PHKA1: variants seen among roughly 807,000 people sequenced by gnomAD.
PHKA1 encodes the protein phosphorylase b kinase regulatory subunit alpha, skeletal muscle isoform.
In PHKA1, 60 loss-of-function variants were observed where a neutral mutation model predicts 110.2. The observed-to-expected ratio is 0.54, with a 90% confidence interval of 0.44 to 0.68. The LOEUF (loss-of-function observed/expected upper bound fraction) is 0.68, where lower values mean the gene tolerates loss of function less well. Ranked by LOEUF, PHKA1 falls within the 30% of genes least tolerant of loss-of-function variation. The pLI is 0.00. For missense variants in PHKA1, 801 were observed against 942.5 expected, an observed-to-expected ratio of 0.85 and a Z score of 1.97; for synonymous variants, 316 against 333.6, an observed-to-expected ratio of 0.95 and a Z score of 0.58.
rs2052942369 is a variant in PHKA1, at chrX:72,619,262, C to T, written c.2181G>A (p.Arg727=). Residue 727 remains arginine (R), a synonymous_variant, in exon 20 of 32, where the codon CGG becomes CGA. Coordinates refer to ENST00000373542, the MANE Select transcript of PHKA1 (RefSeq NM_002637.4). ...YLPTKLFQAS[R]PSFNLLDSPH... Reference sequence around the variant, plus strand: ...GTGAATCAAGTAAGTTGAATGAAGGCCGGGAAGCCTGAAATAACTTCGTAG... The same window carrying T: ...GTGAATCAAGTAAGTTGAATGAAGGTCGGGAAGCCTGAAATAACTTCGTAG... The T allele has an allele frequency of 8.3e-7, 1 of 1,197,818 alleles. No homozygotes were observed.
At chrX:72,669,850 C>T (rs782362314) in intron 6 of PHKA1, among the ~76,000 whole-genome samples, 4 of 110,129 alleles carry the variant, frequency 3.6e-5, no homozygotes, top group Non-Finnish European at 7.6e-5. Context: ...TACGGGTGCA[C>T]GTGTCTTTAT....
intron 3 of PHKA1, among the ~76,000 whole-genome samples, chrX:72,697,456 A>G (rs1250060662): frequency 3.7e-5 from 4 of 109,003 alleles, no homozygotes; most frequent in African/African-American, 1.0e-4. Flanking sequence ...GTGTGTGTAT[A>G]TGTGTGCATG....
chrX:72,609,652 G>C lies in PHKA1; in HGVS notation c.2578C>G (p.Pro860Ala). ...HQKHLTVGLP[P>A]EPREKTISAP... ...GAGATAGTCTTTTCTCGAGGTTCTG[G>C]AGGAAGTCCTACTGTCAAATGTTTC... Residue 860 changes from proline (P) to alanine (A), a missense_variant, in exon 23 of 32, where the codon CCA (proline) becomes GCA (alanine). This residue lies in a region of PHKA1 where 502 missense variants were observed against 519.2 expected (regional missense o/e 0.97). Transcript: ENST00000373542. The C allele has an allele frequency of 6.6e-6, 8 of 1,206,500 alleles. No individual in the cohort carries two copies. The highest frequency in any genetic ancestry group is 9.0e-6 in the Non-Finnish European group (8 of 890,749).
chrX:72,709,411 CT>C (rs2054334664), intron 2 of PHKA1: 1 of 107,564 alleles, frequency 9.3e-6, no homozygotes, highest in Admixed American at 1.0e-4. Flanking sequence ...TGCCTAAACC[CT>C]TGTCCTCTTT....
chrX:72,653,263 T>G (rs2053451390), intron 11 of PHKA1, among the ~76,000 whole-genome samples, 172 bp downstream of exon 11: 1 of 112,140 alleles, frequency 8.9e-6, no homozygotes, highest in South Asian at 3.8e-4. Context: ...GAGACTGCTT[T>G]AAAATTTTAT....
chrX:72,626,938 C>A, intron 17 of PHKA1, 33 bp downstream of exon 17: 2 of 1,085,645 alleles, frequency 1.8e-6, no homozygotes, highest in Non-Finnish European at 2.6e-6. Flanking sequence ...AATTTCATTT[C>A]ATTTCACTAA....
chrX:72,677,513 G>A (rs1556312366), intron 5 of PHKA1, among the ~76,000 whole-genome samples: 1 of 111,860 alleles, frequency 8.9e-6, no homozygotes, highest in Admixed American at 9.5e-5. Context: ...TGATTTTCCA[G>A]TTCTCTTCAT....
intron 12 of PHKA1, 46 bp downstream of exon 12, chrX:72,652,498 G>T: frequency 1.4e-6 from 1 of 705,885 alleles, no homozygotes; most frequent in Non-Finnish European, 2.3e-6. Context: ...TTATTATGGT[G>T]ACTTAAGGCA....
At chrX:72,675,021 T>TA (rs74372049) in intron 6 of PHKA1, among the ~76,000 whole-genome samples, 105 of 87,495 alleles carry the variant, frequency 1.2e-3, no homozygotes, top group Middle Eastern at 5.9e-3. Context: ...CTGTCTCTAC[T>TA]AAAAAAAAAA....
intron 2 of PHKA1, among the ~76,000 whole-genome samples, chrX:72,706,002 A>G (rs1408189333): frequency 8.9e-6 from 1 of 112,133 alleles, no homozygotes; most frequent in Non-Finnish European, 1.9e-5. Context: ...ACAGTCCAAA[A>G]GAAATCCAAC....
intron 5 of PHKA1, among the ~76,000 whole-genome samples, chrX:72,681,799 A>G (rs2053883317): frequency 5.9e-5 from 2 of 34,182 alleles, no homozygotes; most frequent in Non-Finnish European, 9.4e-5. Context: ...CCTACTGGGA[A>G]GTGAGGAGCC....
At chrX:72,641,117 T>C (rs919432860) in intron 14 of PHKA1, among the ~76,000 whole-genome samples, 22 of 111,418 alleles carry the variant, frequency 2.0e-4, no homozygotes, top group Admixed American at 1.9e-3. Flanking sequence ...AACCTACTTA[T>C]CTAACAAAAA....
chrX:72,688,053 T>G (rs1488229721), intron 4 of PHKA1, among the ~76,000 whole-genome samples: 1 of 110,607 alleles, frequency 9.0e-6, no homozygotes, highest in African/African-American at 3.3e-5. Flanking sequence ...GGTCTTGAAC[T>G]CCTGACCTTG....
intron 15 of PHKA1, 117 bp downstream of exon 15, chrX:72,636,160 G>A: frequency 1.9e-6 from 1 of 517,160 alleles, no homozygotes; most frequent in Admixed American, 2.7e-5. Flanking sequence ...TAAGTTATGT[G>A]CAAGGCCTGG....
At chrX:72,628,717 G>A (rs1402935238) in intron 16 of PHKA1, among the ~76,000 whole-genome samples, 4 of 107,629 alleles carry the variant, frequency 3.7e-5, no homozygotes, top group African/African-American at 1.4e-4. Flanking sequence ...AGCCTCCCAA[G>A]TAACTGGGAC....
chrX:72,703,541 C>T (rs1556330734), intron 3 of PHKA1, among the ~76,000 whole-genome samples: 1 of 110,675 alleles, frequency 9.0e-6, no homozygotes, highest in African/African-American at 3.3e-5. Context: ...ATTAGCAAGG[C>T]ATGGTGGTGC....
At chrX:72,613,614 A>G (rs72630054) in intron 21 of PHKA1, among the ~76,000 whole-genome samples, 8,425 of 112,005 alleles carry the variant, frequency 0.075, 858 homozygotes, top group East Asian at 0.67. Flanking sequence ...ATCAGTGAGC[A>G]AAAGTTTGAA....
At chrX:72,611,697 A>C (rs1189059623) in intron 21 of PHKA1, among the ~76,000 whole-genome samples, 1 of 112,176 alleles carries the variant, frequency 8.9e-6, no homozygotes, top group Non-Finnish European at 1.9e-5. Context: ...AAGGTGCTCA[A>C]CCTCACTCCT....
chrX:72,629,722 G>C (rs2053137522), intron 16 of PHKA1, among the ~76,000 whole-genome samples: 1 of 110,888 alleles, frequency 9.0e-6, no homozygotes, highest in Non-Finnish European at 1.9e-5. Flanking sequence ...TCTTCTTCCT[G>C]CCTTCTTATG....
Sources: allele counts gnomAD v4.1 joint callset (sites outside exome capture counted in the v4.1 genomes callset), GRCh38; gene constraint gnomAD v4.1.1; regional missense constraint gnomAD v4.1.1; transcripts MANE v1.5; gene names NCBI Gene and HGNC (gene_info 2026-07-23, HGNC 2026-07-21).